Variants in CREBRF observed in about 807,000 individuals in gnomAD.
CREBRF encodes CREB3 regulatory factor.
A neutral mutation model predicts 66.1 loss-of-function variants in CREBRF; 5 were observed. The ratio of observed to expected loss-of-function variants is 0.08; its 90% CI spans 0.04 to 0.16. The LOEUF (loss-of-function observed/expected upper bound fraction) is 0.16, where lower values mean the gene tolerates loss of function less well. Ranked by LOEUF, CREBRF falls within the 10% of genes least tolerant of loss-of-function variation. The pLI, the probability that CREBRF is intolerant of heterozygous loss-of-function variation, is 1.00. For synonymous variants in CREBRF, 229 were observed against 264.4 expected, an observed-to-expected ratio of 0.87 and a Z score of 1.30; for missense variants, 531 against 744.9, an observed-to-expected ratio of 0.71 and a Z score of 3.34.
chr5:173,099,343 A>G (rs1403737724), intron 4 of CREBRF, among the ~76,000 whole-genome samples: 1 of 152,072 alleles, frequency 6.6e-6, no homozygotes, highest in African/African-American at 2.4e-5. Flanking sequence ...GTTTGTAGAG[A>G]TGAGGTCTCC....
At chr5:173,064,712 G>A (rs192640862) in intron 1 of CREBRF, among the ~76,000 whole-genome samples, 1 of 152,062 alleles carries the variant, frequency 6.6e-6, no homozygotes, top group Non-Finnish European at 1.5e-5. Context: ...TTACAGGGAT[G>A]TGCCACCATG....
rs1455742142 is a variant in CREBRF, at chr5:173,134,302, AC to A, written c.*558del. On this transcript the variant is annotated 3_prime_UTR_variant, in exon 9 of 9. Coordinates refer to ENST00000296953, the MANE Select transcript of CREBRF (RefSeq NM_153607.3). ...TATATATATATATACACACACACAC[AC>A]AAATGTCTGTGCAAGTAAGAAAAAA... The A allele has an allele frequency of 4.8e-6, 1 of 206,278 alleles. No homozygotes were observed. Among genetic ancestry groups the A allele is most frequent in the Middle Eastern group, 5.1e-4 (1 of 1,970 alleles). 12.8% of individuals were successfully genotyped at this position (206,278 alleles called of 1,614,324 possible).
At chr5:173,125,472 CAT>C (rs2113799522) in intron 8 of CREBRF, among the ~76,000 whole-genome samples, 1 of 152,148 alleles carries the variant, frequency 6.6e-6, no homozygotes, top group East Asian at 1.9e-4. Flanking sequence ...CTCTGTTGTT[CAT>C]ATATGTGTGA....
intron 4 of CREBRF, 75 bp from the exon 5 acceptor site, chr5:173,108,549 A>G: frequency 8.1e-7 from 1 of 1,230,096 alleles, no homozygotes. Flanking sequence ...TTACAAATAG[A>G]AGGGGTCTTT....
At chr5:173,104,154 T>G (rs2113762335) in intron 4 of CREBRF, among the ~76,000 whole-genome samples, 1 of 152,322 alleles carries the variant, frequency 6.6e-6, no homozygotes, top group East Asian at 1.9e-4. Flanking sequence ...TGTTATGATT[T>G]CTTAATCTTT....
intron 5 of CREBRF, chr5:173,109,710 C>T (rs992410763): frequency 1.3e-5 from 2 of 152,176 alleles, no homozygotes; most frequent in African/African-American, 2.4e-5. Flanking sequence ...ACTCATCGTA[C>T]GAATGTGAGT....
intron 8 of CREBRF, 40 bp from the exon 9 acceptor site, chr5:173,133,590 C>T (rs1402959071): frequency 3.3e-6 from 4 of 1,224,556 alleles, no homozygotes. Context: ...CATGGCCTTC[C>T]ATTTTTGTGT....
In CREBRF at chr5:173,100,118, G is replaced by GTGTGTGTGTATA. The variant is rs70984939; in HGVS notation, c.1223-8505_1223-8504insGTGTGTGTATAT. On this transcript the variant is annotated intron_variant, in intron 4 of 8. Transcript: ENST00000296953. ...TGTGTGTGTGTGTGTGTGTGTGTGT[G>GTGTGTGTGTATA]TATATATATATAATTTTTTTTTTTT... Among the ~76,000 whole-genome samples the GTGTGTGTGTATA allele has an allele frequency of 4.2e-3, 372 of 88,346 alleles. 13 individuals carry two copies. Among genetic ancestry groups the GTGTGTGTGTATA allele is most frequent in the African/African-American group, 0.017 (345 of 20,398 alleles). 58.0% of individuals were successfully genotyped at this position (88,346 alleles called of 152,430 possible).
chr5:173,119,005 C>A (rs1217474988), intron 7 of CREBRF, among the ~76,000 whole-genome samples: 1 of 152,158 alleles, frequency 6.6e-6, no homozygotes, highest in African/African-American at 2.4e-5. Flanking sequence ...GGATTACAGG[C>A]ATGAGCCATT....
chr5:173,060,859 G>C (rs1189015313), intron 1 of CREBRF, among the ~76,000 whole-genome samples: 1 of 151,966 alleles, frequency 6.6e-6, no homozygotes, highest in African/African-American at 2.4e-5. Context: ...CATATTTTTG[G>C]GCTCTATTCC....
chr5:173,059,256 C>CTTTTTTTTTTTTTTTTT (rs780723745), intron 1 of CREBRF, among the ~76,000 whole-genome samples: 3 of 117,660 alleles, frequency 2.5e-5, no homozygotes, highest in African/African-American at 6.4e-5. Flanking sequence ...TCTTCTTTTT[C>CTTTTTTTTTTTTTTTTT]TTTTTTTTCT....
chr5:173,090,997 G>C lies in CREBRF; in HGVS notation c.818G>C (p.Arg273Thr). The C allele has an allele frequency of 6.2e-7, 1 of 1,614,138 alleles. No homozygotes were observed. The highest frequency in any genetic ancestry group is 8.5e-7 in the Non-Finnish European group (1 of 1,180,010). ...NTCYCGAVAKRQEKKGMEPLQ... is the reference protein window; with the variant it reads ...NTCYCGAVAKTQEKKGMEPLQ... ...TGCTACTGTGGTGCAGTGGCAAAGA[G>C]ACAAGAGAAAAAAGGGATGGAGCCT... Residue 273 changes from arginine (R) to threonine (T), a missense_variant, in exon 4 of 9, where the codon AGA (arginine) becomes ACA (threonine). By Grantham distance (71) the Arg-to-Thr change is moderately conservative. Coordinates refer to ENST00000296953, the MANE Select transcript of CREBRF (RefSeq NM_153607.3). The surrounding 1 kb of genome is among the most constrained non-coding windows in gnomAD (Gnocchi z 4.5).
At chr5:173,091,561 A>G (rs1489483216) in intron 4 of CREBRF, 160 bp downstream of exon 4, 19 of 1,431,896 alleles carry the variant, frequency 1.3e-5, no homozygotes, top group Non-Finnish European at 1.5e-5. Flanking sequence ...TTTCTATTCA[A>G]ATAGCTCTAA....
intron 1 of CREBRF, among the ~76,000 whole-genome samples, chr5:173,056,963 C>G (rs1292624937): frequency 6.7e-6 from 1 of 149,210 alleles, no homozygotes; most frequent in African/African-American, 2.5e-5. Context: ...GGGCCGGGGC[C>G]GCGGAGGTTG....
chr5:173,130,913 G>A (rs1413563788), intron 8 of CREBRF, among the ~76,000 whole-genome samples: 1 of 152,062 alleles, frequency 6.6e-6, no homozygotes, highest in Non-Finnish European at 1.5e-5. Flanking sequence ...CACCATGTTG[G>A]CCAGGCTGGT....
intron 4 of CREBRF, among the ~76,000 whole-genome samples, chr5:173,106,732 CTATTT>C (rs70984940): frequency 0.47 from 70,294 of 148,024 alleles, 17,773 homozygotes; most frequent in Non-Finnish European, 0.57. Context: ...ATTCCCTCTT[CTATTT>C]TATTTTATTT....
rs1323323559 is a variant in CREBRF at position 173,135,427 on chromosome 5, T to C, written c.*1682T>C. 1.3e-5 allele frequency: 2 copies of C among 152,490 alleles called. No homozygotes were observed. Among genetic ancestry groups the C allele is most frequent in the African/African-American group, 2.4e-5 (1 of 41,454 alleles). The allele number at this position is 152,490 out of a possible 1,614,324, so 9.4% of individuals were successfully genotyped here. On this transcript the variant is annotated 3_prime_UTR_variant, in exon 9 of 9. Transcript: ENST00000296953. Reference sequence around the variant, plus strand: ...TTATGTCAAGGCAGCATTATAAACCTTCCCCCACAGATTTTTCCATCCTGT... The same window carrying C: ...TTATGTCAAGGCAGCATTATAAACCCTCCCCCACAGATTTTTCCATCCTGT...
chr5:173,125,881 CAAAAA>C (rs930435792), intron 8 of CREBRF, among the ~76,000 whole-genome samples: 8 of 151,850 alleles, frequency 5.3e-5, no homozygotes, highest in Non-Finnish European at 1.0e-4. Context: ...CAAAACAAAA[CAAAAA>C]AACATGGCAC....
chr5:173,128,874 G>A (rs182951367), intron 8 of CREBRF, among the ~76,000 whole-genome samples: 6 of 151,290 alleles, frequency 4.0e-5, no homozygotes, highest in Admixed American at 6.6e-5. Context: ...TCCGCCTCCC[G>A]GGCTCACACC....
Sources: allele counts gnomAD v4.1 joint callset (sites outside exome capture counted in the v4.1 genomes callset), GRCh38; gene constraint gnomAD v4.1.1; non-coding constraint Gnocchi (gnomAD v3.1); transcripts MANE v1.5; gene names NCBI Gene and HGNC (gene_info 2026-07-23, HGNC 2026-07-21).